NR5A2: variants seen among roughly 807,000 people sequenced by gnomAD.
NR5A2 encodes the protein CYP7A promoter-binding factor.
In NR5A2, 26 loss-of-function variants were observed where a neutral mutation model predicts 62.7. The observed-to-expected ratio is 0.41, with a 90% CI of 0.30 to 0.58. The LOEUF is 0.58. NR5A2 is among the 20% of genes least tolerant of loss of function. The pLI, the probability that NR5A2 is intolerant of heterozygous loss-of-function variation, is 0.22. For missense variants in NR5A2, 541 were observed against 669.1 expected (o/e 0.81, Z 2.11); for synonymous variants, 246 against 241.7 (o/e 1.02, Z -0.16).
In NR5A2 at chr1:200,042,476, T is replaced by C. The variant is rs543364426; in HGVS notation, c.203-1298T>C. 2.0e-5 allele frequency among the ~76,000 whole-genome samples: 3 copies of C among 152,356 alleles called. No individual in the cohort carries two copies. The East Asian group carries it at 5.8e-4, about 29-fold the overall frequency. On this transcript the variant is annotated intron_variant, in intron 2 of 7. Transcript: ENST00000367362. ...GCGATGGGGTGGGGGCTATTTCTCT[T>C]TCCTTTTTGGTAAACAAATCAGAGG...
chr1:200,145,746 C>T (rs1667672534), intron 7 of NR5A2, among the ~76,000 whole-genome samples: 1 of 152,094 alleles, frequency 6.6e-6, no homozygotes, highest in Admixed American at 6.6e-5. Flanking sequence ...GCCTCAGCCT[C>T]CTGAGTAGCT....
chr1:200,052,078 G>A (rs989994271), intron 5 of NR5A2, among the ~76,000 whole-genome samples: 2 of 152,000 alleles, frequency 1.3e-5, no homozygotes, highest in African/African-American at 4.8e-5. Flanking sequence ...TTCTGGTCAC[G>A]ACTCACTAAA....
chr1:200,125,089 G>A (rs1203124484), intron 7 of NR5A2, among the ~76,000 whole-genome samples: 1 of 152,084 alleles, frequency 6.6e-6, no homozygotes, highest in Admixed American at 6.5e-5. Flanking sequence ...AATTATTTCT[G>A]TTATCAGTTT....
At chr1:200,066,067 G>A (rs555436933) in intron 5 of NR5A2, among the ~76,000 whole-genome samples, 3 of 152,078 alleles carry the variant, frequency 2.0e-5, no homozygotes, top group Admixed American at 6.6e-5. Context: ...TGATTTCATC[G>A]AATTCTCAGT....
At chr1:200,037,387 G>T (rs969690837) in intron 1 of NR5A2, among the ~76,000 whole-genome samples, 1 of 152,200 alleles carries the variant, frequency 6.6e-6, no homozygotes, top group Non-Finnish European at 1.5e-5. Flanking sequence ...CAAGCGTTTG[G>T]AGTCCTGCAT....
In NR5A2 at chr1:200,027,818, G is replaced by T; in HGVS notation, c.-30G>T. 1.9e-6 allele frequency: 3 copies of T among 1,550,982 alleles called. No individual in the cohort carries two copies. Among genetic ancestry groups the T allele is most frequent in the Non-Finnish European group, 2.6e-6 (3 of 1,138,918 alleles). ...TTTTGCTCAATGATTTCTGCTTTAAGCCAAAGAACTGCCTATAATTTCACT... is the reference window on the plus strand; with the variant it reads ...TTTTGCTCAATGATTTCTGCTTTAATCCAAAGAACTGCCTATAATTTCACT... On this transcript the variant is annotated 5_prime_UTR_variant, in exon 1 of 8. Transcript: ENST00000367362.
chr1:200,071,795 G>A (rs533000535), intron 5 of NR5A2, among the ~76,000 whole-genome samples: 2 of 152,286 alleles, frequency 1.3e-5, no homozygotes, highest in East Asian at 3.9e-4. Context: ...ATCAAGCACT[G>A]CCTGTGTTAC....
intron 5 of NR5A2, among the ~76,000 whole-genome samples, chr1:200,079,780 T>C (rs1055806696): frequency 1.3e-5 from 2 of 152,214 alleles, no homozygotes; most frequent in Admixed American, 1.3e-4. Flanking sequence ...GCTGCTATTT[T>C]AGTAGTTCCT....
chr1:200,137,220 G>A lies in NR5A2; in HGVS notation c.1378+16265G>A, dbSNP rs185707240. On this transcript the variant is annotated intron_variant, in intron 7 of 7. Coordinates refer to ENST00000367362, the MANE Select transcript of NR5A2 (RefSeq NM_205860.3). ...GGCTGGAGTGTAGTAGCACAATCTCGGCTCTCTGCAACCTCTGTCTCCCAG... is the reference window on the plus strand; with the variant it reads ...GGCTGGAGTGTAGTAGCACAATCTCAGCTCTCTGCAACCTCTGTCTCCCAG... Among the ~76,000 whole-genome samples, 582 of 151,650 alleles carry A rather than the reference G, an allele frequency of 3.8e-3. 4 individuals carry two copies. Among genetic ancestry groups the A allele is most frequent in the African/African-American group, 0.011 (470 of 41,334 alleles).
intron 7 of NR5A2, among the ~76,000 whole-genome samples, 192 bp downstream of exon 7, chr1:200,121,147 T>C (rs16846065): frequency 0.019 from 2,916 of 152,338 alleles, 95 homozygotes; most frequent in African/African-American, 0.063. Flanking sequence ...AGTGGATACG[T>C]TGGGGAATGG....
At chr1:200,133,874 C>T (rs1318368620) in intron 7 of NR5A2, among the ~76,000 whole-genome samples, 1 of 141,740 alleles carries the variant, frequency 7.1e-6, no homozygotes, top group Non-Finnish European at 1.6e-5. Context: ...TGTGTTATTG[C>T]CCCTGAAGAC....
intron 5 of NR5A2, among the ~76,000 whole-genome samples, chr1:200,087,241 A>AACACACACACACACACAC (rs34917175): frequency 2.0e-5 from 3 of 148,510 alleles, no homozygotes; most frequent in Non-Finnish European, 4.5e-5. Flanking sequence ...CTTCTTCACC[A>AACACACACACACACACAC]ACACACACAC....
rs181399813 is a variant in NR5A2, at chr1:200,101,692, C to T, written c.1111-9510C>T. Among the ~76,000 whole-genome samples the T allele has an allele frequency of 2.6e-3, 397 of 152,298 alleles. 1 individual carries two copies. Among genetic ancestry groups the T allele is most frequent in the African/African-American group, 9.2e-3 (381 of 41,572 alleles). On this transcript the variant is annotated intron_variant, in intron 5 of 7. Transcript: ENST00000367362. ...CTGTTAGTGCTCACCTTAATCAGAT[C>T]ATATAAATTATATGTGGCTATATAT...
In NR5A2 at chr1:200,039,968, G is replaced by A. The variant is rs1029105600; in HGVS notation, c.202+173G>A. Among the ~76,000 whole-genome samples, 16 of 152,126 alleles carry A rather than the reference G, an allele frequency of 1.1e-4. No individual in the cohort carries two copies. The highest frequency in any genetic ancestry group is 3.9e-4 in the African/African-American group (16 of 41,438). ...GCAGGCATAAAAGTTTATGGCTCTTGAACAATGCGGGGCAGAGGTTTTTCC... is the reference window on the plus strand; with the variant it reads ...GCAGGCATAAAAGTTTATGGCTCTTAAACAATGCGGGGCAGAGGTTTTTCC... On this transcript the variant is annotated intron_variant, in intron 2 of 7. Transcript: ENST00000367362. This position sits in a 1 kb window ranked among gnomAD's most constrained non-coding sequence, Gnocchi z 5.1.
chr1:200,104,733 G>T (rs770188506), intron 5 of NR5A2, among the ~76,000 whole-genome samples: 27 of 152,168 alleles, frequency 1.8e-4, no homozygotes, highest in Non-Finnish European at 3.2e-4. Context: ...CGCGATCTCG[G>T]CTCACTGCAA....
At chr1:200,097,242 C>G (rs936983536) in intron 5 of NR5A2, among the ~76,000 whole-genome samples, 1 of 152,008 alleles carries the variant, frequency 6.6e-6, no homozygotes, top group African/African-American at 2.4e-5. Context: ...AAACCTTTGT[C>G]AGAATATTAT....
At chr1:200,101,954 C>T (rs1350686725) in intron 5 of NR5A2, among the ~76,000 whole-genome samples, 2 of 152,170 alleles carry the variant, frequency 1.3e-5, no homozygotes, top group African/African-American at 2.4e-5. Context: ...ATTATATACC[C>T]TGGTGATTAT....
intron 5 of NR5A2, among the ~76,000 whole-genome samples, chr1:200,089,283 C>T (rs1381206043): frequency 1.3e-5 from 2 of 152,072 alleles, no homozygotes; most frequent in African/African-American, 2.4e-5. Flanking sequence ...GGCACCATCT[C>T]GGCTCACTGC....
At position 200,048,268 on chromosome 1, in the gene NR5A2, G is replaced by A. The variant is rs376606471; in HGVS notation, c.560G>A (p.Arg187Gln). ...ALKQQKKALI[R>Q]ANGLKLEAMS... ...AAGCAACAGAAAAAAGCCCTCATCC[G>A]AGCCAATGGACTTAAGCTAGAAGCC... Residue 187 changes from arginine (R) to glutamine (Q), a missense_variant, in exon 5 of 8, where the codon CGA (arginine) becomes CAA (glutamine). Physicochemically the swap from Arg to Gln is conservative, Grantham distance 43. Around this residue, in one of 3 missense-constraint regions of NR5A2, gnomAD observed 379 missense variants for 442.0 expected, o/e 0.86. Coordinates refer to ENST00000367362, the MANE Select transcript of NR5A2 (RefSeq NM_205860.3). The surrounding 1 kb of genome is among the most constrained non-coding windows in gnomAD (Gnocchi z 4.8). 27 of 1,613,798 alleles carry A rather than the reference G, an allele frequency of 1.7e-5. No individual in the cohort carries two copies. The South Asian group carries it at 1.8e-4, about 11-fold the overall frequency.
Sources: gnomAD v4.1 joint callset for allele counts (sites outside exome capture counted in the v4.1 genomes callset) on GRCh38, gnomAD v4.1.1 for gene constraint, gnomAD v4.1.1 regional missense constraint, Gnocchi (gnomAD v3.1) non-coding constraint, MANE v1.5 for transcripts, NCBI Gene and HGNC (gene_info 2026-07-23, HGNC 2026-07-21) for gene names.